The following RUNX1 variants were observed in gnomAD, a reference collection of about 807,000 sequenced individuals.
RUNX1 encodes the protein runt-related transcription factor 1.
Under a neutral mutation model 42.8 loss-of-function variants are expected in RUNX1, and 19 were observed. That is an observed-to-expected ratio of 0.44 (90% CI 0.31 to 0.65). The LOEUF (loss-of-function observed/expected upper bound fraction) is 0.65, where lower values mean the gene tolerates loss of function less well. Among genes scored for constraint, RUNX1 ranks in the 30% least tolerant of loss-of-function variants. RUNX1 has a pLI of 0.07. For synonymous variants in RUNX1, 271 were observed against 289.4 expected (o/e 0.94, Z 0.64); for missense variants, 528 against 672.0 (o/e 0.79, Z 2.37).
chr21:34,928,953 A>AT (rs565653105), intron 2 of RUNX1, among the ~76,000 whole-genome samples: 3,739 of 71,820 alleles, frequency 0.052, 229 homozygotes, highest in African/African-American at 0.16. Flanking sequence ...ATTTCTACAG[A>AT]TTTTTTTTGG....
chr21:34,799,066 C>T (rs2056570766), intron 8 of RUNX1, among the ~76,000 whole-genome samples: 1 of 152,166 alleles, frequency 6.6e-6, no homozygotes, highest in South Asian at 2.1e-4. Context: ...ATGTGAACAA[C>T]TTTAGATGTC....
rs546811170 is a variant in RUNX1 at position 34,846,656 on chromosome 21, G to T, written c.614-12055C>A. ...GGCAGGCCCGCAGTCTTTCCACCAGGTCAGGCCACTCCCTCGCCCAGGGCT... is the reference window on the plus strand; with the variant it reads ...GGCAGGCCCGCAGTCTTTCCACCAGTTCAGGCCACTCCCTCGCCCAGGGCT... On this transcript the variant is annotated intron_variant, in intron 6 of 8. Coordinates refer to ENST00000675419, the MANE Select transcript of RUNX1 (RefSeq NM_001754.5). Among the ~76,000 whole-genome samples, 7 of 152,258 alleles carry T rather than the reference G, an allele frequency of 4.6e-5. No homozygotes were observed. The South Asian group carries it at 1.0e-3, about 23-fold the overall frequency.
intron 2 of RUNX1, among the ~76,000 whole-genome samples, chr21:35,028,732 C>T (rs540399408): frequency 2.4e-4 from 37 of 152,320 alleles, no homozygotes; most frequent in Non-Finnish European, 5.0e-4. Context: ...TACTTTCTAA[C>T]GCAGTGTCAT....
intron 2 of RUNX1, among the ~76,000 whole-genome samples, chr21:34,996,704 GA>G: frequency 6.6e-6 from 1 of 151,756 alleles, no homozygotes. Flanking sequence ...ACTGTAAGTG[GA>G]AAAAAAGATG....
chr21:34,953,127 C>CT (rs66463322), intron 2 of RUNX1, among the ~76,000 whole-genome samples: 6,990 of 145,572 alleles, frequency 0.048, 521 homozygotes, highest in African/African-American at 0.16. Flanking sequence ...GTTTTGGGGA[C>CT]TTTTTTTTTT....
intron 2 of RUNX1, among the ~76,000 whole-genome samples, chr21:34,935,788 C>A (rs770178919): frequency 6.6e-6 from 1 of 152,142 alleles, no homozygotes; most frequent in Non-Finnish European, 1.5e-5. Flanking sequence ...TGCCAAATGT[C>A]CCTTCCTGGG....
In RUNX1 at chr21:34,834,409, C is replaced by T. The variant is rs2146074371; in HGVS notation, c.805+1G>A. 1 of 1,610,170 alleles carries T rather than the reference C, an allele frequency of 6.2e-7. No individual in the cohort carries two copies. The highest frequency in any genetic ancestry group is 8.5e-7 in the Non-Finnish European group (1 of 1,176,830). Reference sequence around the variant, plus strand: ...GGCAGTGGGCTCCATCTGGTACTTACCCTGCATCTGACTCTGAGGCTGAGG... The same window carrying T: ...GGCAGTGGGCTCCATCTGGTACTTATCCTGCATCTGACTCTGAGGCTGAGG... On this transcript the variant is annotated splice_donor_variant, in intron 7 of 8. Coordinates refer to ENST00000675419, the MANE Select transcript of RUNX1 (RefSeq NM_001754.5). LOFTEE classifies it high-confidence loss of function.
intron 2 of RUNX1, among the ~76,000 whole-genome samples, chr21:34,916,824 C>T (rs934660818): frequency 1.2e-4 from 19 of 152,232 alleles, no homozygotes; most frequent in East Asian, 3.9e-4. Context: ...CCCTGGGTCG[C>T]GGCGGCATTT....
chr21:35,040,815 A>C lies in RUNX1; in HGVS notation c.58+8027T>G, dbSNP rs138510918. 2.4e-3 allele frequency among the ~76,000 whole-genome samples: 361 copies of C among 150,156 alleles called. 3 individuals are homozygous for C. Among genetic ancestry groups the C allele is most frequent in the African/African-American group, 8.2e-3 (334 of 40,924 alleles). ...AAAAACCAACAACAAAAACTCACCCACAATGGAATGTGACTATGGAATACC... is the reference window on the plus strand; with the variant it reads ...AAAAACCAACAACAAAAACTCACCCCCAATGGAATGTGACTATGGAATACC... On this transcript the variant is annotated intron_variant, in intron 2 of 8. Coordinates refer to ENST00000675419, the MANE Select transcript of RUNX1 (RefSeq NM_001754.5).
chr21:35,010,917 A>G (rs1432905059), intron 2 of RUNX1, among the ~76,000 whole-genome samples: 2 of 152,232 alleles, frequency 1.3e-5, no homozygotes, highest in East Asian at 3.8e-4. Context: ...TTTAGCCAAC[A>G]ACTGTTCGAG....
rs1323454260 is a variant in RUNX1 at position 35,048,830 on chromosome 21, G to A, written c.58+12C>T. Reference sequence around the variant, plus strand: ...AGCAAAAGTAGATATTACAAGACCAGCATGTACTCACCTCTCATGAAGCAC... The same window carrying A: ...AGCAAAAGTAGATATTACAAGACCAACATGTACTCACCTCTCATGAAGCAC... On this transcript the variant is annotated intron_variant, in intron 2 of 8. Coordinates refer to ENST00000675419, the MANE Select transcript of RUNX1 (RefSeq NM_001754.5). The A allele has an allele frequency of 3.1e-6, 5 of 1,607,674 alleles. No individual in the cohort carries two copies. The highest frequency in any genetic ancestry group is 1.1e-5 in the South Asian group (1 of 90,956).
chr21:35,047,561 ACTCTCTCTCT>A (rs55862184), intron 2 of RUNX1, among the ~76,000 whole-genome samples: 47 of 46,786 alleles, frequency 1.0e-3, no homozygotes, highest in African/African-American at 3.3e-3. Context: ...ACACACACAC[ACTCTCTCTCT>A]CTCTCTCTCT....
intron 2 of RUNX1, among the ~76,000 whole-genome samples, chr21:35,018,557 C>A (rs2059176024): frequency 6.6e-6 from 1 of 152,216 alleles, no homozygotes; most frequent in African/African-American, 2.4e-5. Context: ...CATAAGAAAT[C>A]TTTCCTCTGT....
chr21:34,998,783 C>T (rs915487595), intron 2 of RUNX1, among the ~76,000 whole-genome samples: 6 of 152,298 alleles, frequency 3.9e-5, no homozygotes, highest in Non-Finnish European at 7.4e-5. Context: ...CCTCGTGATC[C>T]GCCCGCCTTG....
At position 34,887,155 on chromosome 21, in the gene RUNX1, C is replaced by T. The variant is rs1442299107; in HGVS notation, c.98-59G>A. 1.4e-5 allele frequency: 23 copies of T among 1,594,978 alleles called. No homozygotes were observed. The Middle Eastern group carries it at 5.0e-4, about 34-fold the overall frequency. The stretch of plus-strand genomic sequence containing the variant: ...GTTAGGACCCTGCAAACAGCTCCTA[C>T]CAGACGGCGACAGGGGCGCGGATCT... On this transcript the variant is annotated intron_variant, in intron 3 of 8. Transcript: ENST00000675419.
At chr21:35,013,417 G>A (rs954244792) in intron 2 of RUNX1, among the ~76,000 whole-genome samples, 5 of 152,160 alleles carry the variant, frequency 3.3e-5, no homozygotes, top group Admixed American at 1.3e-4. Context: ...GCTTTTCACA[G>A]CTCTGCAGAC....
At chr21:35,011,358 G>C (rs2059125419) in intron 2 of RUNX1, among the ~76,000 whole-genome samples, 1 of 152,086 alleles carries the variant, frequency 6.6e-6, no homozygotes, top group Admixed American at 6.6e-5. Context: ...TCAAGCCCCA[G>C]CTCCGGGGCA....
rs1041874631 is a variant in RUNX1 at position 34,950,309 on chromosome 21, C to G, written c.59-57346G>C. Reference sequence around the variant, plus strand: ...ATTTTTCAAATTATATTATAAATAACAGAAATTATGAGAAAGAAACTGTAT... The same window carrying G: ...ATTTTTCAAATTATATTATAAATAAGAGAAATTATGAGAAAGAAACTGTAT... On this transcript the variant is annotated intron_variant, in intron 2 of 8. Transcript: ENST00000675419. Among the ~76,000 whole-genome samples, 3 of 151,954 alleles carry G rather than the reference C, an allele frequency of 2.0e-5. No homozygotes were observed. In the South Asian group the frequency reaches 6.2e-4, roughly 31 times the overall value.
chr21:34,871,305 A>C (rs2057733871), intron 5 of RUNX1, among the ~76,000 whole-genome samples: 1 of 152,202 alleles, frequency 6.6e-6, no homozygotes, highest in South Asian at 2.1e-4. Flanking sequence ...TTGGATAGTT[A>C]ATGCTTACTA....
Sources: gnomAD v4.1 joint callset for allele counts (sites outside exome capture counted in the v4.1 genomes callset) on GRCh38, gnomAD v4.1.1 for gene constraint, MANE v1.5 for transcripts, NCBI Gene and HGNC (gene_info 2026-07-23, HGNC 2026-07-21) for gene names.